Variants in RIOX1 observed in about 807,000 individuals in gnomAD.
RIOX1 encodes ribosomal oxygenase 1.
RIOX1 carries 33 observed loss-of-function variants against 44.6 expected under a neutral mutation model. That is an observed-to-expected ratio of 0.74 (90% CI 0.56 to 0.99). The LOEUF (loss-of-function observed/expected upper bound fraction) is 0.99. RIOX1 is among the 50% of genes least tolerant of loss of function. The probability of loss-of-function intolerance (pLI) is 0.00; values close to 1 mark genes in which losing one functional copy is unlikely to be tolerated. For missense variants in RIOX1, 821 were observed against 871.7 expected, an observed-to-expected ratio of 0.94 and a Z score of 0.73; for synonymous variants, 387 against 395.8, an observed-to-expected ratio of 0.98 and a Z score of 0.26.
rs547466270 is a variant in RIOX1, at chr14:73,491,744, T to G, written c.727T>G (p.Ser243Ala). 10 of 1,556,172 alleles carry G rather than the reference T, an allele frequency of 6.4e-6. No homozygotes were observed. The highest frequency in any genetic ancestry group is 1.9e-5 in the Admixed American group (1 of 51,464). ...CCACACCTACTACCAGGGACTTTTCTCTACCGCTGACCTGGATTCGATGCT... is the reference window on the plus strand; with the variant it reads ...CCACACCTACTACCAGGGACTTTTCGCTACCGCTGACCTGGATTCGATGCT... ...QDHTYYQGLF[S>A]TADLDSMLRN... Residue 243 changes from serine (S) to alanine (A), a missense_variant, in exon 1 of 1, where the codon TCT (serine) becomes GCT (alanine). Physicochemically the swap from Ser to Ala is moderately conservative, Grantham distance 99. This residue lies in a region of RIOX1 where 554 missense variants were observed against 531.2 expected (regional missense o/e 1.04). Transcript: ENST00000304061.
chr14:73,492,283 G>C lies in RIOX1; in HGVS notation c.1266G>C (p.Thr422=), dbSNP rs369146034. The C allele has an allele frequency of 5.0e-5, 81 of 1,613,990 alleles. No homozygotes were observed. The highest frequency in any genetic ancestry group is 3.3e-4 in the Middle Eastern group (2 of 6,062). Residue 422 remains threonine (T), a synonymous_variant, in exon 1 of 1, where the codon ACG becomes ACC. Coordinates refer to ENST00000304061, the MANE Select transcript of RIOX1 (RefSeq NM_024644.5). The surrounding 1 kb of genome is among the most constrained non-coding windows in gnomAD (Gnocchi z 4.9). ...GVHSLHLTLS[T]YQRNTWGDFL... is the part of the protein sequence containing the mutation. ...ACTCTCTGCACCTCACCTTGTCCAC[G>C]TACCAGCGCAATACCTGGGGTGACT...
At position 73,491,046 on chromosome 14, in the gene RIOX1, C is replaced by T. The variant is rs759776638; in HGVS notation, c.29C>T (p.Pro10Leu). ...GATGGGCTCCAGGCCAGTGCAGGGCCGTTGAGGCGCGGGCGGCCGAAGCGC... is the reference window on the plus strand; with the variant it reads ...GATGGGCTCCAGGCCAGTGCAGGGCTGTTGAGGCGCGGGCGGCCGAAGCGC... MDGLQASAGPLRRGRPKRRR... is the reference protein window; with the variant it reads MDGLQASAGLLRRGRPKRRR... Residue 10 changes from proline to leucine, a missense_variant, in exon 1 of 1, where the codon CCG (proline) becomes CTG (leucine). Physicochemically the swap from Pro to Leu is moderately conservative, Grantham distance 98. This residue lies in a region of RIOX1 where 554 missense variants were observed against 531.2 expected (regional missense o/e 1.04). Coordinates refer to ENST00000304061, the MANE Select transcript of RIOX1 (RefSeq NM_024644.5). 1 of 1,586,916 alleles carries T rather than the reference C, an allele frequency of 6.3e-7. No individual in the cohort carries two copies. The highest frequency in any genetic ancestry group is 8.6e-7 in the Non-Finnish European group (1 of 1,166,390).
Position 73,492,727 on chromosome 14 carries a change from A to G in RIOX1, c.1710A>G (p.Thr570=), listed in dbSNP as rs1036502932. ...GGGGCCATTTGTTTCTCTATTACAC[A>G]GTGGAAAACTCCCGTGTGTATCATC... The part of the protein sequence containing the change: ...GEGGHLFLYY[T]VENSRVYHLE... Residue 570 remains threonine (T), a synonymous_variant, in exon 1 of 1, where the codon ACA becomes ACG. Coordinates refer to ENST00000304061, the MANE Select transcript of RIOX1 (RefSeq NM_024644.5). This position sits in a 1 kb window ranked among gnomAD's most constrained non-coding sequence, Gnocchi z 4.9. 5 of 1,613,980 alleles carry G rather than the reference A, an allele frequency of 3.1e-6. No homozygotes were observed. Among genetic ancestry groups the G allele is most frequent in the Non-Finnish European group, 4.2e-6 (5 of 1,179,892 alleles).
Position 73,493,028 on chromosome 14 carries a change from G to C in RIOX1, c.*85G>C. Reference sequence around the variant, plus strand: ...TTTTTTTTTTTTTCCTTAAACTCACGTTCTTACCTTGATAAGCATCAGTGT... The same window carrying C: ...TTTTTTTTTTTTTCCTTAAACTCACCTTCTTACCTTGATAAGCATCAGTGT... On this transcript the variant is annotated 3_prime_UTR_variant, in exon 1 of 1. Coordinates refer to ENST00000304061, the MANE Select transcript of RIOX1 (RefSeq NM_024644.5). 6.5e-7 allele frequency: 1 copy of C among 1,534,216 alleles called. No homozygotes were observed.
In RIOX1 at chr14:73,492,779, T is replaced by C. The variant is rs747408546; in HGVS notation, c.1762T>C (p.Tyr588His). Residue 588 changes from tyrosine (Y) to histidine (H), a missense_variant, in exon 1 of 1, where the codon TAC (tyrosine) becomes CAC (histidine). Tyr to His is a moderately conservative substitution (Grantham distance 83). This residue lies in a region of RIOX1 where 267 missense variants were observed against 340.5 expected (regional missense o/e 0.78). Transcript: ENST00000304061. The surrounding 1 kb of genome is among the most constrained non-coding windows in gnomAD (Gnocchi z 4.9). The stretch of plus-strand genomic sequence containing the variant: ...GGAAGAACCCAAGTGCTTGGAAATA[T>C]ACCCCCAGCAAGCTGATGCCATGGA... Reference protein sequence around the residue: ...HLEEPKCLEIYPQQADAMELL... With the variant: ...HLEEPKCLEIHPQQADAMELL... The C allele has an allele frequency of 1.4e-5, 23 of 1,613,818 alleles. No homozygotes were observed. Among genetic ancestry groups the C allele is most frequent in the African/African-American group, 5.3e-5 (4 of 74,912 alleles).
rs2140247860 is a variant in RIOX1 at position 73,491,105 on chromosome 14, C to G, written c.88C>G (p.Leu30Val). 6.2e-7 allele frequency: 1 copy of G among 1,606,214 alleles called. No individual in the cohort carries two copies. The highest frequency in any genetic ancestry group is 8.5e-7 in the Non-Finnish European group (1 of 1,176,520). Residue 30 changes from leucine (L) to valine (V), a missense_variant, in exon 1 of 1, where the codon CTG (leucine) becomes GTG (valine). Physicochemically the swap from Leu to Val is conservative, Grantham distance 32 (BLOSUM62 1). This residue lies in a region of RIOX1 where 554 missense variants were observed against 531.2 expected (regional missense o/e 1.04). Transcript: ENST00000304061. ...GCCCCAGCCACACAGCGGGTCGGTC[C>G]TGGCCCTGCCCTTGAGGTCCAGGAA... ...RKPQPHSGSV[L>V]ALPLRSRKIR...
At position 73,490,936 on chromosome 14, in the gene RIOX1, G is replaced by T; in HGVS notation, c.-82G>T. 1 of 1,272,226 alleles carries T rather than the reference G, an allele frequency of 7.9e-7. No homozygotes were observed. The allele number at this position is 1,272,226 out of a possible 1,614,324, so 78.8% of individuals were successfully genotyped here. On this transcript the variant is annotated 5_prime_UTR_variant, in exon 1 of 1. Coordinates refer to ENST00000304061, the MANE Select transcript of RIOX1 (RefSeq NM_024644.5). Reference sequence around the variant, plus strand: ...CTGGAGGCCGCGCCCCCTTCCCAGAGTGCACCGCAGCCGCTGCATTCAGGA... The same window carrying T: ...CTGGAGGCCGCGCCCCCTTCCCAGATTGCACCGCAGCCGCTGCATTCAGGA...
chr14:73,491,360 C>A lies in RIOX1; in HGVS notation c.343C>A (p.Leu115Met). The A allele has an allele frequency of 7.2e-7, 1 of 1,381,574 alleles. No homozygotes were observed. 85.6% of individuals were successfully genotyped at this position (1,381,574 alleles called of 1,614,324 possible). The change falls in exon 1 of 1, where the codon CTG (leucine) becomes ATG (methionine). Residue 115 changes from leucine (L) to methionine (M), a missense_variant. Physicochemically the swap from Leu to Met is conservative, Grantham distance 15. Coordinates refer to ENST00000304061, the MANE Select transcript of RIOX1 (RefSeq NM_024644.5). ...GGAGGCCTCGCCCGCCGCGCGCTCC[C>A]TGCAGACCCCGTCGGCGCGCCTGGT... ...LLEASPAARS[L>M]QTPSARLVPA...
rs1885887625 is a variant in RIOX1, at chr14:73,493,036, CT to C, written c.*95del. On this transcript the variant is annotated 3_prime_UTR_variant, in exon 1 of 1. Coordinates refer to ENST00000304061, the MANE Select transcript of RIOX1 (RefSeq NM_024644.5). ...TTTTTCCTTAAACTCACGTTCTTAC[CT>C]TGATAAGCATCAGTGTGCTCACATT... 6.3e-7 allele frequency: 1 copy of C among 1,578,952 alleles called. No homozygotes were observed. Among genetic ancestry groups the C allele is most frequent in the Admixed American group, 1.8e-5 (1 of 54,582 alleles).
rs751917043 is a variant in RIOX1 at position 73,493,036 on chromosome 14, C to T, written c.*93C>T. On this transcript the variant is annotated 3_prime_UTR_variant, in exon 1 of 1. Transcript: ENST00000304061. ...TTTTTCCTTAAACTCACGTTCTTAC[C>T]TTGATAAGCATCAGTGTGCTCACAT... 20 of 1,578,870 alleles carry T rather than the reference C, an allele frequency of 1.3e-5. No individual in the cohort carries two copies. The East Asian group carries it at 4.5e-4, about 36-fold the overall frequency.
At position 73,492,746 on chromosome 14, in the gene RIOX1, T is replaced by G. The variant is rs755214593; in HGVS notation, c.1729T>G (p.Tyr577Asp). The G allele has an allele frequency of 1.5e-5, 24 of 1,613,982 alleles. No homozygotes were observed. Among genetic ancestry groups the G allele is most frequent in the Non-Finnish European group, 1.9e-5 (22 of 1,179,902 alleles). Reference sequence around the variant, plus strand: ...TTACACAGTGGAAAACTCCCGTGTGTATCATCTGGAAGAACCCAAGTGCTT... The same window carrying G: ...TTACACAGTGGAAAACTCCCGTGTGGATCATCTGGAAGAACCCAAGTGCTT... ...LYYTVENSRV[Y>D]HLEEPKCLEI... The change falls in exon 1 of 1, where the codon TAT becomes GAT. Residue 577 changes from tyrosine to aspartate, a missense_variant. Coordinates refer to ENST00000304061, the MANE Select transcript of RIOX1 (RefSeq NM_024644.5). The surrounding 1 kb of genome is among the most constrained non-coding windows in gnomAD (Gnocchi z 4.9).
In RIOX1 at chr14:73,491,124, C is replaced by T. The variant is rs1885693236; in HGVS notation, c.107C>T (p.Ser36Phe). Residue 36 changes from serine (S) to phenylalanine (F), a missense_variant, in exon 1 of 1, where the codon TCC becomes TTC. Transcript: ENST00000304061. The stretch of plus-strand genomic sequence containing the variant: ...TCGGTCCTGGCCCTGCCCTTGAGGT[C>T]CAGGAAGATACGAAAGCAGCTGCGA... ...SGSVLALPLRSRKIRKQLRSV... is the reference protein window; with the variant it reads ...SGSVLALPLRFRKIRKQLRSV... The T allele has an allele frequency of 6.2e-7, 1 of 1,607,664 alleles. No individual in the cohort carries two copies. Among genetic ancestry groups the T allele is most frequent in the Non-Finnish European group, 8.5e-7 (1 of 1,177,152 alleles).
In RIOX1 at chr14:73,491,916, G is replaced by A; in HGVS notation, c.899G>A (p.Cys300Tyr). The change falls in exon 1 of 1, where the codon TGT (cysteine) becomes TAT (tyrosine). Residue 300 changes from cysteine to tyrosine, a missense_variant. Physicochemically the swap from Cys to Tyr is radical, Grantham distance 194 (BLOSUM62 -2). This residue lies in a region of RIOX1 where 554 missense variants were observed against 531.2 expected (regional missense o/e 1.04). Transcript: ENST00000304061. ...YQAGCSLRLL[C>Y]PQAFSTTVWQ... ...GCCGGCTGCTCCCTGCGTCTCCTCT[G>A]TCCGCAGGCTTTCTCTACTACTGTG... 2 of 1,613,220 alleles carry A rather than the reference G, an allele frequency of 1.2e-6. No individual in the cohort carries two copies. The highest frequency in any genetic ancestry group is 3.3e-5 in the Admixed American group (2 of 59,848).
rs1379806808 is a variant in RIOX1 at position 73,492,265 on chromosome 14, G to T, written c.1248G>T (p.Leu416=). 6.2e-7 allele frequency: 1 copy of T among 1,613,956 alleles called. No individual in the cohort carries two copies. The highest frequency in any genetic ancestry group is 1.1e-5 in the South Asian group (1 of 91,076). ...QAECQDGVHS[L]HLTLSTYQRN... Reference sequence around the variant, plus strand: ...AATGCCAGGATGGAGTCCACTCTCTGCACCTCACCTTGTCCACGTACCAGC... The same window carrying T: ...AATGCCAGGATGGAGTCCACTCTCTTCACCTCACCTTGTCCACGTACCAGC... Residue 416 remains leucine (L), a synonymous_variant, in exon 1 of 1, where the codon CTG becomes CTT. Coordinates refer to ENST00000304061, the MANE Select transcript of RIOX1 (RefSeq NM_024644.5). This position sits in a 1 kb window ranked among gnomAD's most constrained non-coding sequence, Gnocchi z 4.9.
Position 73,491,029 on chromosome 14 carries a change from C to A in RIOX1, c.12C>A (p.Leu4=). ...GGTGTGGTCTGGCCATGGATGGGCTCCAGGCCAGTGCAGGGCCGTTGAGGC... is the reference window on the plus strand; with the variant it reads ...GGTGTGGTCTGGCCATGGATGGGCTACAGGCCAGTGCAGGGCCGTTGAGGC... MDG[L]QASAGPLRRG... Residue 4 remains leucine (L), a synonymous_variant, in exon 1 of 1, where the codon CTC becomes CTA. Transcript: ENST00000304061. 6.5e-7 allele frequency: 1 copy of A among 1,549,208 alleles called. No individual in the cohort carries two copies. Among genetic ancestry groups the A allele is most frequent in the South Asian group, 1.2e-5 (1 of 83,742 alleles).
rs1267738684 is a variant in RIOX1, at chr14:73,492,650, G to T, written c.1633G>T (p.Glu545Ter). 1 of 1,614,014 alleles carries T rather than the reference G, an allele frequency of 6.2e-7. No individual in the cohort carries two copies. Among genetic ancestry groups the T allele is most frequent in the East Asian group, 2.2e-5 (1 of 44,882 alleles). ...AAACGTGGGGGCCCAGTTGACAACA[G>T]AAACAGAAGTCCATATGCTTCAGGA... ...PVNVGAQLTT[E>*]TEVHMLQDGI... is the part of the protein sequence containing the mutation. The change falls in exon 1 of 1, where the codon GAA (glutamate) becomes TAA (stop). Residue 545 changes from glutamate to a stop codon, truncating the protein, a stop_gained. Transcript: ENST00000304061. LOFTEE classifies it high-confidence loss of function. This position sits in a 1 kb window ranked among gnomAD's most constrained non-coding sequence, Gnocchi z 4.9.
rs532045877 is a variant in RIOX1, at chr14:73,492,532, C to G, written c.1515C>G (p.Phe505Leu). 15 of 1,613,720 alleles carry G rather than the reference C, an allele frequency of 9.3e-6. No individual in the cohort carries two copies. The highest frequency in any genetic ancestry group is 1.3e-5 in the Non-Finnish European group (15 of 1,179,782). Residue 505 changes from phenylalanine to leucine, a missense_variant, in exon 1 of 1, where the codon TTC becomes TTG. This residue lies in a region of RIOX1 where 267 missense variants were observed against 340.5 expected (regional missense o/e 0.78). Coordinates refer to ENST00000304061, the MANE Select transcript of RIOX1 (RefSeq NM_024644.5). This position sits in a 1 kb window ranked among gnomAD's most constrained non-coding sequence, Gnocchi z 4.9. ...TGGCCGACCAGCGAGCCAAAGACTT[C>G]ATTCACGATTCTCTGCCCCCTGTTT... ...DAVADQRAKD[F>L]IHDSLPPVLT...
Position 73,491,407 on chromosome 14 carries a change from G to A in RIOX1, c.390G>A (p.Ala130=), listed in dbSNP as rs1196472829. The change falls in exon 1 of 1, where the codon GCG becomes GCA. Residue 130 remains alanine, a synonymous_variant. Coordinates refer to ENST00000304061, the MANE Select transcript of RIOX1 (RefSeq NM_024644.5). ...ARLVPASAPP[A]RLVEVPAAPV... ...TGGTGCCCGCTTCCGCGCCGCCCGC[G>A]CGCCTGGTGGAGGTGCCCGCCGCGC... 2.2e-6 allele frequency: 3 copies of A among 1,344,196 alleles called. No homozygotes were observed. Among genetic ancestry groups the A allele is most frequent in the Non-Finnish European group, 2.8e-6 (3 of 1,056,526 alleles). The allele number at this position is 1,344,196 out of a possible 1,614,324, so 83.3% of individuals were successfully genotyped here.
In RIOX1 at chr14:73,492,705, G is replaced by A; in HGVS notation, c.1688G>A (p.Gly563Asp). 6.2e-7 allele frequency: 1 copy of A among 1,613,940 alleles called. No homozygotes were observed. The highest frequency in any genetic ancestry group is 8.5e-7 in the Non-Finnish European group (1 of 1,179,886). Reference protein sequence around the residue: ...DGIARLVGEGGHLFLYYTVEN... With the variant: ...DGIARLVGEGDHLFLYYTVEN... Reference sequence around the variant, plus strand: ...ATAGCTCGGCTGGTGGGTGAGGGGGGCCATTTGTTTCTCTATTACACAGTG... The same window carrying A: ...ATAGCTCGGCTGGTGGGTGAGGGGGACCATTTGTTTCTCTATTACACAGTG... Residue 563 changes from glycine (G) to aspartate (D), a missense_variant, in exon 1 of 1, where the codon GGC (glycine) becomes GAC (aspartate). Coordinates refer to ENST00000304061, the MANE Select transcript of RIOX1 (RefSeq NM_024644.5). The surrounding 1 kb of genome is among the most constrained non-coding windows in gnomAD (Gnocchi z 4.9).
Sources: gnomAD v4.1 joint callset for allele counts on GRCh38, gnomAD v4.1.1 for gene constraint, gnomAD v4.1.1 regional missense constraint, Gnocchi (gnomAD v3.1) non-coding constraint, MANE v1.5 for transcripts, NCBI Gene and HGNC (gene_info 2026-07-23, HGNC 2026-07-21) for gene names.